Variants in DMRT1 observed in about 807,000 individuals in gnomAD.
The protein encoded by DMRT1 is doublesex and mab-3 related transcription factor 1, also known as doublesex- and mab-3-related transcription factor 1.
In DMRT1, 7 loss-of-function variants were observed where a neutral mutation model predicts 32.3. The ratio of observed to expected loss-of-function variants is 0.22; its 90% confidence interval spans 0.12 to 0.41. The LOEUF is 0.41. DMRT1 is among the 10% of genes least tolerant of loss of function. The probability of loss-of-function intolerance (pLI) is 1.00; values close to 1 mark genes in which losing one functional copy is unlikely to be tolerated. For synonymous variants in DMRT1, 278 were observed against 206.1 expected, an observed-to-expected ratio of 1.35 and a Z score of -2.99; for missense variants, 625 against 500.5, an observed-to-expected ratio of 1.25 and a Z score of -2.37.
At chr9:930,461 G>C (rs1247065628) in intron 4 of DMRT1, among the ~76,000 whole-genome samples, 1 of 151,922 alleles carries the variant, frequency 6.6e-6, no homozygotes, top group East Asian at 1.9e-4. Context: ...GCCCAGGCTG[G>C]AGTGCAGTGG....
chr9:855,130 G>C (rs1815342889), intron 2 of DMRT1, among the ~76,000 whole-genome samples: 1 of 151,970 alleles, frequency 6.6e-6, no homozygotes, highest in Non-Finnish European at 1.5e-5. Context: ...CTCAGGGATA[G>C]TCTTTGCTTA....
At chr9:889,182 A>C (rs945773102) in intron 2 of DMRT1, among the ~76,000 whole-genome samples, 1 of 152,132 alleles carries the variant, frequency 6.6e-6, no homozygotes, top group Non-Finnish European at 1.5e-5. Flanking sequence ...CAACCTTTCC[A>C]TGTACTAGCA....
At chr9:871,968 T>C (rs952518015) in intron 2 of DMRT1, among the ~76,000 whole-genome samples, 2 of 151,564 alleles carry the variant, frequency 1.3e-5, no homozygotes, top group Admixed American at 6.6e-5. Context: ...TTTACATTTT[T>C]CTATTGATTT....
chr9:874,125 G>A (rs892664550), intron 2 of DMRT1, among the ~76,000 whole-genome samples: 3 of 152,194 alleles, frequency 2.0e-5, no homozygotes, highest in African/African-American at 7.2e-5. Context: ...GCTTTGAATA[G>A]GGGGTAGAAT....
Position 898,350 on chromosome 9 carries a change from C to T in DMRT1, c.822+4155C>T, listed in dbSNP as rs111409777. 3.6e-3 allele frequency among the ~76,000 whole-genome samples: 552 copies of T among 152,270 alleles called. 2 individuals are homozygous for T. Among genetic ancestry groups the T allele is most frequent in the African/African-American group, 0.012 (514 of 41,562 alleles). On this transcript the variant is annotated intron_variant, in intron 3 of 4. Transcript: ENST00000382276. The stretch of plus-strand genomic sequence containing the variant: ...GTCCAGGCTGTTCTCAAACTCCTGG[C>T]CTCAAGTGATCCGCCCACTCGGCCT...
At chr9:860,733 G>A (rs1405799059) in intron 2 of DMRT1, among the ~76,000 whole-genome samples, 1 of 152,204 alleles carries the variant, frequency 6.6e-6, no homozygotes, top group African/African-American at 2.4e-5. Flanking sequence ...TTTAAATAGG[G>A]TGGTCAAAGA....
At chr9:901,773 T>A (rs900480772) in intron 3 of DMRT1, among the ~76,000 whole-genome samples, 5 of 151,926 alleles carry the variant, frequency 3.3e-5, no homozygotes, top group African/African-American at 1.2e-4. Context: ...GGGAGTGACT[T>A]GCCTTACGAA....
intron 4 of DMRT1, among the ~76,000 whole-genome samples, chr9:960,996 C>A (rs1483300795): frequency 6.6e-6 from 1 of 152,174 alleles, no homozygotes; most frequent in East Asian, 1.9e-4. Flanking sequence ...GGGAACGTAG[C>A]ACTTAATGGG....
At chr9:964,509 T>A (rs1819871496) in intron 4 of DMRT1, among the ~76,000 whole-genome samples, 1 of 152,300 alleles carries the variant, frequency 6.6e-6, no homozygotes, top group South Asian at 2.1e-4. Flanking sequence ...TCCTTTTTTC[T>A]TTTCCTTACT....
At chr9:903,475 A>G (rs553239110) in intron 3 of DMRT1, among the ~76,000 whole-genome samples, 23 of 152,316 alleles carry the variant, frequency 1.5e-4, no homozygotes, top group African/African-American at 5.5e-4. Flanking sequence ...TGTTTCACAG[A>G]TGATGAAAGC....
At chr9:925,799 T>C (rs1237541959) in intron 4 of DMRT1, among the ~76,000 whole-genome samples, 1 of 152,186 alleles carries the variant, frequency 6.6e-6, no homozygotes, top group Non-Finnish European at 1.5e-5. Context: ...TATTGAAGCA[T>C]AGAGACAGTG....
chr9:900,455 C>G (rs1165084775), intron 3 of DMRT1, among the ~76,000 whole-genome samples: 1 of 152,058 alleles, frequency 6.6e-6, no homozygotes, highest in African/African-American at 2.4e-5. Context: ...CAAAACAAGT[C>G]ACTTTCCAAA....
intron 3 of DMRT1, chr9:894,476 C>G (rs769524091): frequency 9.7e-5 from 48 of 495,654 alleles, no homozygotes; most frequent in Non-Finnish European, 1.7e-4. Flanking sequence ...AACTTGTTTT[C>G]TTTTTCAAAT....
chr9:966,396 T>A (rs182680815), intron 4 of DMRT1, among the ~76,000 whole-genome samples: 17 of 152,356 alleles, frequency 1.1e-4, no homozygotes, highest in African/African-American at 3.8e-4. Flanking sequence ...AACTTATCCT[T>A]TGCTTTTTAT....
chr9:891,638 C>G (rs927878134), intron 2 of DMRT1, among the ~76,000 whole-genome samples: 1 of 151,692 alleles, frequency 6.6e-6, no homozygotes, highest in African/African-American at 2.4e-5. Context: ...CCTCAGCCTC[C>G]CAAGTAGCTG....
intron 3 of DMRT1, among the ~76,000 whole-genome samples, chr9:899,575 G>T (rs888529411): frequency 6.6e-6 from 1 of 152,166 alleles, no homozygotes; most frequent in African/African-American, 2.4e-5. Context: ...TTCCTGTCCT[G>T]TTGTGAAACA....
intron 4 of DMRT1, among the ~76,000 whole-genome samples, chr9:953,644 A>G (rs1406138727): frequency 2.6e-5 from 4 of 152,106 alleles, no homozygotes; most frequent in African/African-American, 9.7e-5. Context: ...GCTGCTTCTT[A>G]GTTTTCCTCG....
intron 4 of DMRT1, among the ~76,000 whole-genome samples, chr9:927,208 CCTT>C (rs551224458): frequency 8.2e-4 from 125 of 152,356 alleles, no homozygotes; most frequent in African/African-American, 2.9e-3. Context: ...GGTGTGCTGT[CCTT>C]CTTTCGGCCG....
chr9:881,125 C>G (rs2132629667), intron 2 of DMRT1, among the ~76,000 whole-genome samples: 1 of 152,248 alleles, frequency 6.6e-6, no homozygotes, highest in African/African-American at 2.4e-5. Context: ...CCCACCTCCT[C>G]CTCCTGTGCA....
Sources: allele counts gnomAD v4.1 joint callset (sites outside exome capture counted in the v4.1 genomes callset), GRCh38; gene constraint gnomAD v4.1.1; transcripts MANE v1.5; gene names NCBI Gene and HGNC (gene_info 2026-07-23, HGNC 2026-07-21).